The following OPCML variants were observed in gnomAD, a reference collection of about 807,000 sequenced individuals.
The protein encoded by OPCML is opioid binding protein/cell adhesion molecule like, also known as opioid-binding protein/cell adhesion molecule.
OPCML carries 13 observed loss-of-function variants against 37.8 expected under a neutral mutation model. The observed-to-expected ratio is 0.34, with a 90% CI of 0.22 to 0.55. The LOEUF (loss-of-function observed/expected upper bound fraction) is 0.55, where lower values mean the gene tolerates loss of function less well. Among genes scored for constraint, OPCML ranks in the 20% least tolerant of loss-of-function variants. OPCML has a pLI of 0.91. For missense variants in OPCML, 341 were observed against 435.6 expected (o/e 0.78, Z 1.93); for synonymous variants, 176 against 168.8 (o/e 1.04, Z -0.33).
chr11:133,379,615 A>C (rs1944890660), intron 1 of OPCML, among the ~76,000 whole-genome samples: 1 of 152,124 alleles, frequency 6.6e-6, no homozygotes, highest in Non-Finnish European at 1.5e-5. Flanking sequence ...CTTTCACTTT[A>C]ATTTCTGGCA....
intron 1 of OPCML, among the ~76,000 whole-genome samples, chr11:132,968,965 T>C (rs1946277551): frequency 6.6e-6 from 1 of 152,144 alleles, no homozygotes; most frequent in Admixed American, 6.5e-5. Context: ...AAGCTTCTAG[T>C]TTTCACCTTC....
chr11:133,259,513 T>A (rs1941423517), intron 1 of OPCML, among the ~76,000 whole-genome samples: 1 of 152,136 alleles, frequency 6.6e-6, no homozygotes, highest in Non-Finnish European at 1.5e-5. Context: ...ACATTCAAAG[T>A]CAGTCCTGTC....
rs540253529 is a variant in OPCML at position 132,936,874 on chromosome 11, A to C, written c.146+6052T>G. Among the ~76,000 whole-genome samples the C allele has an allele frequency of 3.9e-4, 59 of 152,340 alleles. 1 individual carries two copies. The South Asian group carries it at 0.012, about 30-fold the overall frequency. The stretch of plus-strand genomic sequence containing the variant: ...AGCTCCAATTATACCTAACATGAGC[A>C]AGAGCGGCTTCATTCAGGGCAAACA... On this transcript the variant is annotated intron_variant, in intron 2 of 7. Coordinates refer to ENST00000524381, the MANE Select transcript of OPCML (RefSeq NM_001012393.5).
At chr11:132,594,227 G>T (rs567157257) in intron 3 of OPCML, among the ~76,000 whole-genome samples, 5 of 152,130 alleles carry the variant, frequency 3.3e-5, no homozygotes, top group Non-Finnish European at 7.4e-5. Flanking sequence ...AATACATAAG[G>T]TCATAAGTGC....
At chr11:133,038,331 T>C (rs942837041) in intron 1 of OPCML, among the ~76,000 whole-genome samples, 25 of 152,198 alleles carry the variant, frequency 1.6e-4, no homozygotes, top group African/African-American at 5.8e-4. Context: ...TCCTCACCCT[T>C]CCTTTCACAG....
chr11:132,910,274 C>T (rs899457217), intron 2 of OPCML, among the ~76,000 whole-genome samples: 1 of 152,220 alleles, frequency 6.6e-6, no homozygotes, highest in African/African-American at 2.4e-5. Flanking sequence ...GGCCTCAGCA[C>T]ATATTCGCCG....
At chr11:132,426,376 T>C (rs1368208470) in intron 7 of OPCML, among the ~76,000 whole-genome samples, 1 of 152,196 alleles carries the variant, frequency 6.6e-6, no homozygotes, top group African/African-American at 2.4e-5. Context: ...ATAAAAATTC[T>C]ACTTTTGAGA....
intron 1 of OPCML, among the ~76,000 whole-genome samples, chr11:133,506,399 G>T (rs1256101035): frequency 6.6e-6 from 1 of 152,170 alleles, no homozygotes; most frequent in African/African-American, 2.4e-5. Flanking sequence ...AAAATGCTCA[G>T]GGGTAATGAG....
intron 4 of OPCML, among the ~76,000 whole-genome samples, chr11:132,489,981 G>A (rs1412600263): frequency 1.3e-5 from 2 of 152,046 alleles, no homozygotes; most frequent in African/African-American, 4.8e-5. Context: ...GAGAATGATG[G>A]TTTCCAGCTT....
intron 2 of OPCML, among the ~76,000 whole-genome samples, chr11:132,712,260 G>A (rs1284535760): frequency 6.6e-6 from 1 of 152,046 alleles, no homozygotes; most frequent in East Asian, 1.9e-4. Flanking sequence ...ACTTCAGCCT[G>A]GTTTTCTCAA....
intron 1 of OPCML, among the ~76,000 whole-genome samples, chr11:133,141,104 A>AAGAAGC (rs1565469412): frequency 3.7e-5 from 5 of 135,184 alleles, no homozygotes; most frequent in African/African-American, 1.1e-4. Flanking sequence ...GGAGAAGAAG[A>AAGAAGC]AGCAGCTGAA....
At chr11:133,396,339 A>G (rs1014197295) in intron 1 of OPCML, among the ~76,000 whole-genome samples, 2 of 152,106 alleles carry the variant, frequency 1.3e-5, no homozygotes, top group South Asian at 2.1e-4. Flanking sequence ...GACAAGATCA[A>G]TTTGACTTTT....
At chr11:133,232,770 G>T (rs1654423043) in intron 1 of OPCML, among the ~76,000 whole-genome samples, 1 of 152,152 alleles carries the variant, frequency 6.6e-6, no homozygotes, top group South Asian at 2.1e-4. Flanking sequence ...AAAAGTGGGG[G>T]AAAGAGGAGG....
intron 2 of OPCML, among the ~76,000 whole-genome samples, chr11:132,714,742 A>G (rs1944404181): frequency 6.6e-6 from 1 of 152,180 alleles, no homozygotes; most frequent in Non-Finnish European, 1.5e-5. Flanking sequence ...TGAAATACAT[A>G]TCTTTTCAAG....
intron 4 of OPCML, among the ~76,000 whole-genome samples, chr11:132,461,513 G>A (rs1189805367): frequency 6.6e-6 from 1 of 152,090 alleles, no homozygotes; most frequent in East Asian, 1.9e-4. Flanking sequence ...GGTTTATCTG[G>A]ATCCTTGGTA....
intron 4 of OPCML, among the ~76,000 whole-genome samples, chr11:132,459,679 G>A (rs959785349): frequency 4.0e-5 from 6 of 151,568 alleles, no homozygotes; most frequent in Admixed American, 2.6e-4. Context: ...TTATGTAGAG[G>A]ATCTTTATTC....
intron 1 of OPCML, among the ~76,000 whole-genome samples, chr11:132,953,601 T>C (rs936707271): frequency 1.3e-5 from 2 of 152,214 alleles, no homozygotes; most frequent in African/African-American, 4.8e-5. Context: ...GTTTTTTAAA[T>C]GTTCAGTACC....
chr11:132,707,538 T>C (rs913496701), intron 2 of OPCML, among the ~76,000 whole-genome samples: 14 of 152,174 alleles, frequency 9.2e-5, no homozygotes, highest in African/African-American at 3.1e-4. Context: ...AAATAGGGCA[T>C]ACAGATGAGG....
rs1940223897 is a variant in OPCML, at chr11:133,230,337, C to T, written c.62-287327G>A. Among the ~76,000 whole-genome samples the T allele has an allele frequency of 2.0e-5, 3 of 152,174 alleles. No individual in the cohort carries two copies. The South Asian group carries it at 6.2e-4, about 31-fold the overall frequency. On this transcript the variant is annotated intron_variant, in intron 1 of 7. Coordinates refer to ENST00000524381, the MANE Select transcript of OPCML (RefSeq NM_001012393.5). ...ATGCTAAGTGACAGCCTTTCATAAG[C>T]CCTAGATTGTGGCAAAGGCATTCAC...
Sources: allele counts gnomAD v4.1 joint callset (sites outside exome capture counted in the v4.1 genomes callset), GRCh38; gene constraint gnomAD v4.1.1; transcripts MANE v1.5; gene names NCBI Gene and HGNC (gene_info 2026-07-23, HGNC 2026-07-21).